The following RTN4 variants were observed in gnomAD, a reference collection of about 807,000 sequenced individuals.
RTN4 encodes reticulon 4, also known as reticulon-4.
A neutral mutation model predicts 90.4 loss-of-function variants in RTN4; 32 were observed. The observed-to-expected ratio is 0.35, with a 90% CI of 0.27 to 0.48. The LOEUF (loss-of-function observed/expected upper bound fraction) is 0.48, where lower values mean the gene tolerates loss of function less well. Among genes scored for constraint, RTN4 ranks in the 20% least tolerant of loss-of-function variants. The pLI is 0.99. For missense variants in RTN4, 1,706 were observed against 1,430.2 expected, an observed-to-expected ratio of 1.19 and a Z score of -3.11; for synonymous variants, 629 against 552.5, an observed-to-expected ratio of 1.14 and a Z score of -1.94.
At chr2:55,119,292 T>G in the RTN4 span, among the ~76,000 whole-genome samples, 1 of 152,254 alleles carries the variant, frequency 6.6e-6, no homozygotes. Flanking sequence ...TTTTCTACAC[T>G]GGGAGCTATA....
At chr2:55,133,477 G>T in the RTN4 span, among the ~76,000 whole-genome samples, 1 of 152,164 alleles carries the variant, frequency 6.6e-6, no homozygotes, top group African/African-American at 2.4e-5. Flanking sequence ...GGAGGACTGT[G>T]TCATGTGTAT....
At chr2:54,977,606 CAATT>C (rs1386227706) in intron 5 of RTN4, among the ~76,000 whole-genome samples, 1 of 152,050 alleles carries the variant, frequency 6.6e-6, no homozygotes, top group East Asian at 1.9e-4. Flanking sequence ...CAGTCAGACT[CAATT>C]AGCCCAAAAG....
the RTN4 span, among the ~76,000 whole-genome samples, chr2:55,129,056 C>G: frequency 6.9e-6 from 1 of 145,050 alleles, no homozygotes; most frequent in Non-Finnish European, 1.5e-5. Context: ...TGCAGTGAGC[C>G]GAGATCGCGC....
At chr2:54,995,889 T>TC (rs1679386375) in intron 3 of RTN4, among the ~76,000 whole-genome samples, 1 of 152,244 alleles carries the variant, frequency 6.6e-6, no homozygotes, top group South Asian at 2.1e-4. Context: ...TGTTTTTTTT[T>TC]CTCTTCCTCA....
At chr2:55,107,551 G>T (rs58016152) in intron 1 of RTN4, among the ~76,000 whole-genome samples, 5,025 of 152,022 alleles carry the variant, frequency 0.033, 269 homozygotes, top group African/African-American at 0.1. Context: ...CATCTGGGGG[G>T]GTTTTGTGGT....
the RTN4 span, among the ~76,000 whole-genome samples, chr2:55,119,963 C>A: frequency 2.0e-5 from 3 of 152,254 alleles, no homozygotes; most frequent in Non-Finnish European, 4.4e-5. Context: ...ATTCCCAGAA[C>A]ACCTCTCCAT....
chr2:54,987,841 C>G (rs1490527626), intron 3 of RTN4, 143 bp from the exon 4 acceptor site: 4 of 666,016 alleles, frequency 6.0e-6, no homozygotes, highest in Non-Finnish European at 1.0e-5. Flanking sequence ...GAAACACTAA[C>G]TTTATAACCC....
chr2:55,132,904 T>TAA, the RTN4 span, among the ~76,000 whole-genome samples: 186 of 149,866 alleles, frequency 1.2e-3, no homozygotes, highest in South Asian at 1.9e-3. Flanking sequence ...TTGTTTTTTT[T>TAA]AATTATTATT....
At chr2:55,102,919 G>A (rs373694249) in intron 1 of RTN4, among the ~76,000 whole-genome samples, 3 of 151,952 alleles carry the variant, frequency 2.0e-5, no homozygotes, top group Admixed American at 1.3e-4. Flanking sequence ...GGGAGTTTGA[G>A]ACCAGCCTGA....
intron 3 of RTN4, among the ~76,000 whole-genome samples, chr2:55,008,844 T>A (rs943590763): frequency 3.3e-5 from 5 of 152,182 alleles, no homozygotes; most frequent in Non-Finnish European, 7.4e-5. Flanking sequence ...ATTATTATCA[T>A]TTGTATCATT....
At chr2:55,108,174 C>T (rs1191170147) in intron 1 of RTN4, among the ~76,000 whole-genome samples, 5 of 152,138 alleles carry the variant, frequency 3.3e-5, no homozygotes, top group East Asian at 1.9e-4. Flanking sequence ...AGGCTGGTCT[C>T]GAACCCCTGA....
chr2:55,027,164 G>A lies in RTN4; in HGVS notation c.935C>T (p.Ser312Phe), dbSNP rs560144130. The change falls in exon 3 of 9, where the codon TCT (serine) becomes TTT (phenylalanine). Residue 312 changes from serine (S) to phenylalanine (F), a missense_variant. Transcript: ENST00000337526. ...CCTAGGATTTGCTACTATTACGGCA[G>A]ATTCTGCTTTTGGAGAGACACTGAA... ...SSFSVSPKAE[S>F]AVIVANPREE... 1 of 1,613,608 alleles carries A rather than the reference G, an allele frequency of 6.2e-7. No individual in the cohort carries two copies. Among genetic ancestry groups the A allele is most frequent in the African/African-American group, 1.3e-5 (1 of 75,018 alleles).
intron 2 of RTN4, among the ~76,000 whole-genome samples, chr2:55,074,798 C>T (rs1272483880): frequency 6.6e-6 from 1 of 152,152 alleles, no homozygotes; most frequent in Non-Finnish European, 1.5e-5. Flanking sequence ...AAATGTGATA[C>T]ACCACATAAA....
chr2:55,049,647 G>C (rs1667983240), intron 1 of RTN4, 98 bp downstream of exon 1: 20 of 1,523,694 alleles, frequency 1.3e-5, no homozygotes, highest in Non-Finnish European at 1.8e-5. Flanking sequence ...AAGCGCCCTC[G>C]GGGCGGAGAG....
Position 55,026,308 on chromosome 2 carries a change from G to A in RTN4, c.1791C>T (p.Cys597=). 3 of 1,613,918 alleles carry A rather than the reference G, an allele frequency of 1.9e-6. No individual in the cohort carries two copies. Among genetic ancestry groups the A allele is most frequent in the Non-Finnish European group, 1.7e-6 (2 of 1,179,888 alleles). ...TAGCTTCTGACTCTTCAAATGATGG[G>A]CAAAGCTGTGCTGCAGGATAGAGTG... ...QESLYPAAQL[C]PSFEESEATP... is the part of the protein sequence containing the mutation. The change falls in exon 3 of 9, where the codon TGC becomes TGT. Residue 597 remains cysteine, a synonymous_variant. Transcript: ENST00000337526.
chr2:54,984,160 C>A lies in RTN4; in HGVS notation c.3222-1507G>T, dbSNP rs147396933. 2.7e-3 allele frequency among the ~76,000 whole-genome samples: 408 copies of A among 152,290 alleles called. 1 individual carries two copies. The highest frequency in any genetic ancestry group is 9.3e-3 in the African/African-American group (387 of 41,550). On this transcript the variant is annotated intron_variant, in intron 4 of 8. Transcript: ENST00000337526. ...TCACCCATACATAGAGCCTTATCTG[C>A]CAATCTCTTTCATAAAACCCTGATG...
At chr2:55,001,494 T>C (rs1164783987) in intron 3 of RTN4, among the ~76,000 whole-genome samples, 2 of 152,194 alleles carry the variant, frequency 1.3e-5, no homozygotes, top group African/African-American at 4.8e-5. Flanking sequence ...TAAGAAAACA[T>C]CCACTAAGTA....
At chr2:55,085,906 T>C (rs1353601787) in intron 1 of RTN4, among the ~76,000 whole-genome samples, 1 of 152,182 alleles carries the variant, frequency 6.6e-6, no homozygotes, top group Non-Finnish European at 1.5e-5. Flanking sequence ...CATAAATACA[T>C]CTTGTGTAAT....
chr2:55,048,268 G>A (rs1472973393), intron 1 of RTN4, among the ~76,000 whole-genome samples: 1 of 152,170 alleles, frequency 6.6e-6, no homozygotes, highest in African/African-American at 2.4e-5. Flanking sequence ...GAATGTGAAG[G>A]CCTAGGACAT....
Sources: allele counts gnomAD v4.1 joint callset (sites outside exome capture counted in the v4.1 genomes callset), GRCh38; gene constraint gnomAD v4.1.1; transcripts MANE v1.5; gene names NCBI Gene and HGNC (gene_info 2026-07-23, HGNC 2026-07-21).